Variants in PRKCE observed in about 807,000 individuals in gnomAD.
PRKCE encodes protein kinase C epsilon type.
Under a neutral mutation model 85.4 loss-of-function variants are expected in PRKCE, and 16 were observed. The ratio of observed to expected loss-of-function variants is 0.19; its 90% CI spans 0.13 to 0.28. PRKCE has a LOEUF of 0.28. PRKCE is among the 10% of genes least tolerant of loss of function. The pLI, the probability that PRKCE is intolerant of heterozygous loss-of-function variation, is 1.00. For missense variants in PRKCE, 573 were observed against 975.2 expected (o/e 0.59, Z 5.49); for synonymous variants, 388 against 371.5 (o/e 1.04, Z -0.51).
chr2:45,925,719 C>T (rs1200066925), intron 2 of PRKCE, among the ~76,000 whole-genome samples: 1 of 152,248 alleles, frequency 6.6e-6, no homozygotes, highest in East Asian at 1.9e-4. Flanking sequence ...AGCTCACAAG[C>T]TGGCCAAGGA....
At chr2:45,915,299 ATT>A (rs1388101054) in intron 2 of PRKCE, among the ~76,000 whole-genome samples, 1 of 152,072 alleles carries the variant, frequency 6.6e-6, no homozygotes, top group Non-Finnish European at 1.5e-5. Flanking sequence ...ATGAGTCTCT[ATT>A]TTTTTGTTTC....
intron 2 of PRKCE, among the ~76,000 whole-genome samples, chr2:45,868,957 CAA>C (rs58698207): frequency 0.33 from 36,892 of 111,736 alleles, 4,881 homozygotes; most frequent in South Asian, 0.5. Flanking sequence ...CATCCTGTCT[CAA>C]AAAAAAAAAA....
At chr2:45,709,052 C>A (rs999821716) in intron 1 of PRKCE, among the ~76,000 whole-genome samples, 1 of 152,226 alleles carries the variant, frequency 6.6e-6, no homozygotes, top group Non-Finnish European at 1.5e-5. Context: ...GAGTCAGGAT[C>A]ATGGATTCAG....
intron 10 of PRKCE, among the ~76,000 whole-genome samples, chr2:46,055,697 T>C (rs1186371707): frequency 3.3e-5 from 5 of 152,162 alleles, no homozygotes; most frequent in Non-Finnish European, 5.9e-5. Flanking sequence ...TCTTGCTCTG[T>C]TGCCCTGTTG....
chr2:45,981,132 A>T (rs916806054), intron 5 of PRKCE, among the ~76,000 whole-genome samples: 2 of 152,240 alleles, frequency 1.3e-5, no homozygotes, highest in South Asian at 2.1e-4. Flanking sequence ...GGAAAATGCA[A>T]CAATGAAGCT....
intron 11 of PRKCE, among the ~76,000 whole-genome samples, chr2:46,099,225 C>T (rs1429859017): frequency 6.6e-6 from 1 of 152,094 alleles, no homozygotes; most frequent in Non-Finnish European, 1.5e-5. Flanking sequence ...GCTGACCCTG[C>T]CCCTAAGCTT....
chr2:45,854,024 C>T lies in PRKCE; in HGVS notation c.412+10961C>T, dbSNP rs537684073. Among the ~76,000 whole-genome samples, 286 of 152,318 alleles carry T rather than the reference C, an allele frequency of 1.9e-3. 1 individual carries two copies. Among genetic ancestry groups the T allele is most frequent in the Middle Eastern group, 3.4e-3 (1 of 294 alleles). On this transcript the variant is annotated intron_variant, in intron 2 of 14. Coordinates refer to ENST00000306156, the MANE Select transcript of PRKCE (RefSeq NM_005400.3). ...GGTTCATGACACTGGATTTGCCCCC[C>T]ACACTCCTCTGTGTCTTTCTATACA... is the stretch of plus-strand genomic sequence containing the variant.
rs1452537661 is a variant in PRKCE, at chr2:46,068,088, G to T, written c.1438-18120G>T. 6.6e-6 allele frequency among the ~76,000 whole-genome samples: 1 copy of T among 152,146 alleles called. No homozygotes were observed. The highest frequency in any genetic ancestry group is 1.5e-5 in the Non-Finnish European group (1 of 68,038). The stretch of plus-strand genomic sequence containing the variant: ...TTTTCATTGTTCAGAGAGAGACTGG[G>T]GGTTTGTCTGCACTTTTACATTATC... On this transcript the variant is annotated intron_variant, in intron 10 of 14. Coordinates refer to ENST00000306156, the MANE Select transcript of PRKCE (RefSeq NM_005400.3). This position sits in a 1 kb window ranked among gnomAD's most constrained non-coding sequence, Gnocchi z 4.3.
At chr2:46,064,499 G>T (rs538396954) in intron 10 of PRKCE, among the ~76,000 whole-genome samples, 61 of 152,274 alleles carry the variant, frequency 4.0e-4, no homozygotes, top group Admixed American at 3.3e-3. Flanking sequence ...AGAAAGGACA[G>T]TCTTGGCAAT....
At chr2:46,052,643 G>A (rs973526614) in intron 10 of PRKCE, among the ~76,000 whole-genome samples, 2 of 152,188 alleles carry the variant, frequency 1.3e-5, no homozygotes, top group East Asian at 1.9e-4. Context: ...TTGACAAGCC[G>A]ATCTTAAAAT....
chr2:46,137,354 A>C (rs1675102562), intron 11 of PRKCE, among the ~76,000 whole-genome samples: 2 of 152,228 alleles, frequency 1.3e-5, no homozygotes, highest in Admixed American at 1.3e-4. Context: ...ATAAATTACT[A>C]TACACAGAAT....
At chr2:45,711,238 A>G (rs1679607787) in intron 1 of PRKCE, among the ~76,000 whole-genome samples, 1 of 152,188 alleles carries the variant, frequency 6.6e-6, no homozygotes, top group Non-Finnish European at 1.5e-5. Context: ...TGCCTACCTC[A>G]CAGAATTATT....
At chr2:45,823,116 C>G (rs1452165167) in intron 1 of PRKCE, among the ~76,000 whole-genome samples, 1 of 152,162 alleles carries the variant, frequency 6.6e-6, no homozygotes, top group Non-Finnish European at 1.5e-5. Context: ...TGAAGTTGTT[C>G]CTTGCTGTCA....
At position 46,184,963 on chromosome 2, in the gene PRKCE, T is replaced by C; in HGVS notation, c.*82T>C. The C allele has an allele frequency of 6.5e-7, 1 of 1,535,522 alleles. No individual in the cohort carries two copies. Among genetic ancestry groups the C allele is most frequent in the Non-Finnish European group, 8.8e-7 (1 of 1,134,654 alleles). On this transcript the variant is annotated 3_prime_UTR_variant, in exon 15 of 15. Coordinates refer to ENST00000306156, the MANE Select transcript of PRKCE (RefSeq NM_005400.3). The surrounding 1 kb of genome is among the most constrained non-coding windows in gnomAD (Gnocchi z 5.0). Reference sequence around the variant, plus strand: ...CTGTGTTGGAGACACTCAGCAGGTCTTGAACTACTTCTCCTCCTCGGAGCC... The same window carrying C: ...CTGTGTTGGAGACACTCAGCAGGTCCTGAACTACTTCTCCTCCTCGGAGCC...
chr2:45,992,294 T>G (rs930968645), intron 6 of PRKCE, among the ~76,000 whole-genome samples: 5 of 152,134 alleles, frequency 3.3e-5, no homozygotes, highest in African/African-American at 1.2e-4. Flanking sequence ...GTCTGAGCTT[T>G]GATCTGAGGA....
chr2:45,816,811 C>G (rs1269008711), intron 1 of PRKCE, among the ~76,000 whole-genome samples: 3 of 152,180 alleles, frequency 2.0e-5, no homozygotes, highest in Non-Finnish European at 4.4e-5. Flanking sequence ...CCTCCCTCCC[C>G]CTAATTGTTA....
intron 2 of PRKCE, among the ~76,000 whole-genome samples, chr2:45,884,489 C>G (rs776589628): frequency 6.6e-6 from 1 of 152,152 alleles, no homozygotes; most frequent in East Asian, 1.9e-4. Flanking sequence ...TCTAAAGTCT[C>G]CATTTCTACG....
chr2:45,715,584 T>A (rs1024503264), intron 1 of PRKCE, among the ~76,000 whole-genome samples: 7 of 152,236 alleles, frequency 4.6e-5, no homozygotes, highest in African/African-American at 1.7e-4. Context: ...GAGACTTGGC[T>A]TCTTCTGAAA....
intron 2 of PRKCE, among the ~76,000 whole-genome samples, chr2:45,961,598 G>A (rs933452933): frequency 6.6e-6 from 1 of 152,200 alleles, no homozygotes. Flanking sequence ...TAGACTTTCA[G>A]TTCAGGAGCA....
Sources: allele counts gnomAD v4.1 joint callset (sites outside exome capture counted in the v4.1 genomes callset), GRCh38; gene constraint gnomAD v4.1.1; non-coding constraint Gnocchi (gnomAD v3.1); transcripts MANE v1.5; gene names NCBI Gene and HGNC (gene_info 2026-07-23, HGNC 2026-07-21).